Variants in NOS1AP observed in about 807,000 individuals in gnomAD.
The protein encoded by NOS1AP is carboxyl-terminal PDZ ligand of neuronal nitric oxide synthase protein.
NOS1AP carries 21 observed loss-of-function variants against 56.2 expected under a neutral mutation model. That is an observed-to-expected ratio of 0.37 (90% CI 0.26 to 0.54). The LOEUF (loss-of-function observed/expected upper bound fraction) is 0.54. NOS1AP is among the 20% of genes least tolerant of loss of function. NOS1AP has a pLI of 0.84. For missense variants in NOS1AP, 522 were observed against 657.8 expected, an observed-to-expected ratio of 0.79 and a Z score of 2.26; for synonymous variants, 270 against 274.6, an observed-to-expected ratio of 0.98 and a Z score of 0.17.
chr1:162,281,847 G>A (rs1654940081), intron 2 of NOS1AP, among the ~76,000 whole-genome samples: 2 of 152,296 alleles, frequency 1.3e-5, no homozygotes, highest in Admixed American at 6.5e-5. Flanking sequence ...TAGGCCGGGC[G>A]CGGTGGCTCA....
At chr1:162,355,107 G>A (rs1369030974) in intron 6 of NOS1AP, 80 bp from the exon 7 acceptor site, 3 of 1,549,398 alleles carry the variant, frequency 1.9e-6, no homozygotes, top group Admixed American at 1.7e-5. Flanking sequence ...CAACATGCCT[G>A]AAAGCTAAAG....
intron 2 of NOS1AP, among the ~76,000 whole-genome samples, chr1:162,265,483 G>GT (rs1310444565): frequency 2.0e-5 from 3 of 150,796 alleles, no homozygotes; most frequent in African/African-American, 7.3e-5. Flanking sequence ...GCGGTGTTTG[G>GT]TTTTTTGTCC....
intron 2 of NOS1AP, among the ~76,000 whole-genome samples, chr1:162,202,284 A>AT (rs56336532): frequency 6.6e-6 from 1 of 152,150 alleles, no homozygotes; most frequent in Non-Finnish European, 1.5e-5. Flanking sequence ...ATAGAGAATA[A>AT]TTTTTTTAAA....
intron 1 of NOS1AP, among the ~76,000 whole-genome samples, chr1:162,109,040 G>A (rs764219557): frequency 1.3e-5 from 2 of 152,228 alleles, no homozygotes; most frequent in Non-Finnish European, 2.9e-5. Flanking sequence ...TATGGTGGCA[G>A]GCAAGAGAGC....
chr1:162,257,307 G>A (rs993745582), intron 2 of NOS1AP, among the ~76,000 whole-genome samples: 2 of 152,082 alleles, frequency 1.3e-5, no homozygotes, highest in African/African-American at 4.8e-5. Context: ...GAACAGAGAT[G>A]TGATTTTTCT....
At chr1:162,155,018 A>G (rs1649877950) in intron 2 of NOS1AP, among the ~76,000 whole-genome samples, 1 of 152,028 alleles carries the variant, frequency 6.6e-6, no homozygotes, top group African/African-American at 2.4e-5. Flanking sequence ...AGTACTCTAA[A>G]TAGGAAAAAT....
At chr1:162,343,115 C>T (rs1571232200) in intron 5 of NOS1AP, among the ~76,000 whole-genome samples, 1 of 152,334 alleles carries the variant, frequency 6.6e-6, no homozygotes, top group Non-Finnish European at 1.5e-5. Flanking sequence ...TAAGACTCTA[C>T]ATAGGAGCAG....
intron 1 of NOS1AP, among the ~76,000 whole-genome samples, chr1:162,123,329 C>T (rs535612485): frequency 1.2e-4 from 19 of 152,256 alleles, no homozygotes; most frequent in East Asian, 3.9e-4. Context: ...TGTGCCACCA[C>T]GCCTGGCTAA....
intron 2 of NOS1AP, among the ~76,000 whole-genome samples, chr1:162,186,885 C>T (rs1179458870): frequency 6.6e-6 from 1 of 152,100 alleles, no homozygotes; most frequent in Non-Finnish European, 1.5e-5. Context: ...GTAATTGTTG[C>T]AAAAATGGAA....
intron 1 of NOS1AP, among the ~76,000 whole-genome samples, chr1:162,147,331 CAA>C (rs572205161): frequency 0.078 from 5,822 of 74,708 alleles, 97 homozygotes; most frequent in Middle Eastern, 0.12. Flanking sequence ...GACTCCGTCT[CAA>C]AAAAAAAAAA....
intron 2 of NOS1AP, among the ~76,000 whole-genome samples, chr1:162,261,059 A>G (rs1444515221): frequency 8.0e-6 from 1 of 125,760 alleles, no homozygotes; most frequent in Non-Finnish European, 1.6e-5. Flanking sequence ...GATGACTAAT[A>G]TAACAAATTA....
chr1:162,281,891 C>A (rs951923567), intron 2 of NOS1AP, among the ~76,000 whole-genome samples: 1 of 152,100 alleles, frequency 6.6e-6, no homozygotes, highest in Non-Finnish European at 1.5e-5. Flanking sequence ...GAGGCTGGGG[C>A]GGGCAGATCA....
At position 162,154,408 on chromosome 1, in the gene NOS1AP, G is replaced by A. The variant is rs141560292; in HGVS notation, c.109G>A (p.Val37Ile). ...QHGICFEAKY[V>I]GSLDVPRPNS... ...AGTGTTTGCTTCTCCCCCACAGTAC[G>A]TAGGAAGCCTGGACGTGCCAAGGCC... The change falls in exon 2 of 10, where the codon GTA (valine) becomes ATA (isoleucine). Residue 37 changes from valine (V) to isoleucine (I), a missense_variant. Val to Ile is a conservative substitution (Grantham distance 29). Around this residue, in one of 4 missense-constraint regions of NOS1AP, gnomAD observed 132 missense variants for 218.1 expected, o/e 0.61. Transcript: ENST00000361897. 1.8e-5 allele frequency: 29 copies of A among 1,614,012 alleles called. No homozygotes were observed. The highest frequency in any genetic ancestry group is 1.7e-4 in the Middle Eastern group (1 of 6,060).
chr1:162,366,979 G>A (rs1254952403), intron 9 of NOS1AP, 73 bp from the exon 10 acceptor site: 2 of 1,579,314 alleles, frequency 1.3e-6, no homozygotes, highest in African/African-American at 1.3e-5. Flanking sequence ...GCACGGGCGG[G>A]CAGAAGGCGG....
At chr1:162,234,673 C>G (rs921477213) in intron 2 of NOS1AP, among the ~76,000 whole-genome samples, 1 of 152,150 alleles carries the variant, frequency 6.6e-6, no homozygotes, top group Non-Finnish European at 1.5e-5. Context: ...CATGATGTTT[C>G]TAATCTAAGG....
chr1:162,319,894 A>G (rs530687176), intron 4 of NOS1AP, among the ~76,000 whole-genome samples: 3 of 151,698 alleles, frequency 2.0e-5, no homozygotes, highest in Non-Finnish European at 4.4e-5. Context: ...TCCTGCCAGG[A>G]CCCTGACTGA....
chr1:162,280,082 G>A (rs117758286), intron 2 of NOS1AP, among the ~76,000 whole-genome samples: 2,677 of 152,292 alleles, frequency 0.018, 85 homozygotes, highest in East Asian at 0.13. Context: ...GGGAGGCCGA[G>A]GTGGGAGGAT....
intron 2 of NOS1AP, among the ~76,000 whole-genome samples, chr1:162,204,304 G>A (rs1049984938): frequency 2.0e-5 from 3 of 152,242 alleles, no homozygotes; most frequent in African/African-American, 4.8e-5. Context: ...TCTCCACGAT[G>A]CTCTCCCATC....
intron 2 of NOS1AP, among the ~76,000 whole-genome samples, chr1:162,249,084 G>A (rs889434937): frequency 2.0e-5 from 3 of 152,102 alleles, no homozygotes; most frequent in Non-Finnish European, 4.4e-5. Context: ...ATGGATCAGC[G>A]TGGGGGAGCA....
Sources: gnomAD v4.1 joint callset for allele counts (sites outside exome capture counted in the v4.1 genomes callset) on GRCh38, gnomAD v4.1.1 for gene constraint, gnomAD v4.1.1 regional missense constraint, MANE v1.5 for transcripts, NCBI Gene and HGNC (gene_info 2026-07-23, HGNC 2026-07-21) for gene names.